MET: variants seen among roughly 807,000 people sequenced by gnomAD.
MET encodes MET proto-oncogene, receptor tyrosine kinase.
In MET, 48 loss-of-function variants were observed where a neutral mutation model predicts 133.1. That is an observed-to-expected ratio of 0.36 (90% CI 0.29 to 0.46). MET has a LOEUF of 0.46. MET is among the 20% of genes least tolerant of loss of function. MET has a pLI of 1.00. For missense variants in MET, 1,442 were observed against 1,695.9 expected, an observed-to-expected ratio of 0.85 and a Z score of 2.63; for synonymous variants, 628 against 616.5, an observed-to-expected ratio of 1.02 and a Z score of -0.28.
At chr7:116,709,296 C>G (rs192345064) in intron 2 of MET, among the ~76,000 whole-genome samples, 1 of 152,258 alleles carries the variant, frequency 6.6e-6, no homozygotes, top group African/African-American at 2.4e-5. Context: ...GGCACTTTGT[C>G]ATGCTTCTTT....
At chr7:116,743,439 T>A (rs1046486968) in intron 5 of MET, among the ~76,000 whole-genome samples, 12 of 152,110 alleles carry the variant, frequency 7.9e-5, no homozygotes. Context: ...GCTCAGTGGA[T>A]CCCACCCCTA....
At chr7:116,792,505 G>A (rs371352675) in intron 19 of MET, among the ~76,000 whole-genome samples, 1 of 96,356 alleles carries the variant, frequency 1.0e-5, no homozygotes, top group Non-Finnish European at 1.9e-5. Flanking sequence ...ACACACACCA[G>A]CTTCTCTCTT....
chr7:116,725,465 C>T (rs1001610722), intron 2 of MET, among the ~76,000 whole-genome samples: 49 of 144,932 alleles, frequency 3.4e-4, no homozygotes, highest in Non-Finnish European at 5.1e-4. Context: ...TTATGATATA[C>T]ATATATATAT....
At chr7:116,783,507 C>G (rs1795215629) in intron 19 of MET, 38 bp downstream of exon 19, 4 of 1,610,872 alleles carry the variant, frequency 2.5e-6, no homozygotes, top group Non-Finnish European at 3.4e-6. Context: ...TCCTCTTTTA[C>G]TTTCATATCC....
chr7:116,679,246 A>G (rs771306637), intron 1 of MET, among the ~76,000 whole-genome samples: 5 of 152,144 alleles, frequency 3.3e-5, no homozygotes, highest in Non-Finnish European at 7.4e-5. Flanking sequence ...ACTTCTAGCT[A>G]ATGTCAGTTC....
chr7:116,702,208 T>C (rs1791606345), intron 2 of MET, among the ~76,000 whole-genome samples: 2 of 152,102 alleles, frequency 1.3e-5, no homozygotes, highest in African/African-American at 4.8e-5. Context: ...ATCACTCCCA[T>C]CACAAAAATT....
At chr7:116,691,876 GC>G (rs1794482725) in intron 1 of MET, among the ~76,000 whole-genome samples, 1 of 152,166 alleles carries the variant, frequency 6.6e-6, no homozygotes, top group Non-Finnish European at 1.5e-5. Context: ...TCGTTGAAAG[GC>G]CAGCCTGGTT....
Position 116,700,204 on chromosome 7 carries a change from T to C in MET, c.1120T>C (p.Phe374Leu), listed in dbSNP as rs2116605899. ...AFPIKYVNDF[F>L]NKIVNKNNVR... ...CCCTATCAAATATGTCAACGACTTC[T>C]TCAACAAGATCGTCAACAAAAACAA... The change falls in exon 2 of 21, where the codon TTC (phenylalanine) becomes CTC (leucine). Residue 374 changes from phenylalanine (F) to leucine (L), a missense_variant. Around this residue, in one of 6 missense-constraint regions of MET, gnomAD observed 762 missense variants for 792.4 expected, o/e 0.96. Transcript: ENST00000397752. 1.3e-6 allele frequency: 2 copies of C among 1,593,814 alleles called. No homozygotes were observed. Among genetic ancestry groups the C allele is most frequent in the Non-Finnish European group, 1.7e-6 (2 of 1,173,566 alleles).
intron 11 of MET, 47 bp downstream of exon 11, chr7:116,763,315 A>T (rs1215649030): frequency 6.6e-7 from 1 of 1,509,322 alleles, no homozygotes; most frequent in Non-Finnish European, 9.2e-7. Context: ...CTCAAACTTA[A>T]TTGACTTCAT....
rs1302371805 is a variant in MET at position 116,741,047 on chromosome 7, C to G, written c.1701+22C>G. On this transcript the variant is annotated intron_variant, in intron 5 of 20. Coordinates refer to ENST00000397752, the MANE Select transcript of MET (RefSeq NM_000245.4). The stretch of plus-strand genomic sequence containing the variant: ...CAAGGTAGGAATCTCTAACAGCTGG[C>G]ATACATGTTTTTGTTTGGTGTTTTT... The G allele has an allele frequency of 4.4e-6, 7 of 1,588,326 alleles. No individual in the cohort carries two copies. The African/African-American group carries it at 9.5e-5, about 22-fold the overall frequency.
In MET at chr7:116,740,067, G is replaced by T. The variant is rs587780735; in HGVS notation, c.1510G>T (p.Val504Phe). The T allele has an allele frequency of 3.5e-5, 56 of 1,613,946 alleles. No individual in the cohort carries two copies. The highest frequency in any genetic ancestry group is 4.4e-5 in the Non-Finnish European group (52 of 1,179,960). ...HTLNQNGYTL[V>F]ITGKKITKIP... ...ATTAAACCAAAATGGCTACACACTG[G>T]TTATCACTGGGAAGAAGGTAAGCTG... The change falls in exon 4 of 21, where the codon GTT becomes TTT. Residue 504 changes from valine (V) to phenylalanine (F), a missense_variant. Physicochemically the swap from Val to Phe is conservative, Grantham distance 50. This residue lies in a region of MET where 762 missense variants were observed against 792.4 expected (regional missense o/e 0.96). Transcript: ENST00000397752.
chr7:116,735,220 C>T (rs1793169344), intron 3 of MET, among the ~76,000 whole-genome samples: 1 of 152,152 alleles, frequency 6.6e-6, no homozygotes. Context: ...CCCGCATGCC[C>T]CTTTCGCCTC....
At chr7:116,690,805 C>G (rs1013831374) in intron 1 of MET, among the ~76,000 whole-genome samples, 1 of 152,140 alleles carries the variant, frequency 6.6e-6, no homozygotes, top group Non-Finnish European at 1.5e-5. Flanking sequence ...GGAAGAAACT[C>G]TTAGTATCTA....
intron 15 of MET, among the ~76,000 whole-genome samples, 185 bp downstream of exon 15, chr7:116,775,296 T>C (rs560650260): frequency 1.7e-4 from 26 of 152,350 alleles, no homozygotes; most frequent in Non-Finnish European, 3.7e-4. Context: ...GATTTGCCCT[T>C]GTGCATGGAA....
intron 2 of MET, among the ~76,000 whole-genome samples, chr7:116,706,016 T>A (rs1791776708): frequency 6.6e-6 from 1 of 152,066 alleles, no homozygotes; most frequent in Admixed American, 6.6e-5. Flanking sequence ...CTTTAAACCA[T>A]TACATGGCTC....
At chr7:116,766,344 G>T (rs895430655) in intron 11 of MET, among the ~76,000 whole-genome samples, 1 of 152,200 alleles carries the variant, frequency 6.6e-6, no homozygotes. Context: ...AGCACAGGAA[G>T]ATGAGCCAGG....
chr7:116,742,426 C>T (rs1793495651), intron 5 of MET, among the ~76,000 whole-genome samples: 1 of 152,186 alleles, frequency 6.6e-6, no homozygotes, highest in Non-Finnish European at 1.5e-5. Context: ...CAAACAACTT[C>T]AGCAATTTGA....
At chr7:116,777,360 G>GTGCTAACCAAGTTCTTTCTT (rs772808573) in intron 15 of MET, 29 bp from the exon 16 acceptor site, 1 of 1,581,716 alleles carries the variant, frequency 6.3e-7, no homozygotes, top group South Asian at 1.1e-5. Flanking sequence ...ATGTTACGCA[G>GTGCTAACCAAGTTCTTTCTT]TGCTAACCAA....
chr7:116,693,929 GAGGT>G (rs1796866482), intron 1 of MET, among the ~76,000 whole-genome samples: 1 of 152,204 alleles, frequency 6.6e-6, no homozygotes, highest in Non-Finnish European at 1.5e-5. Context: ...TCTCACAAGT[GAGGT>G]AGGTACTATA....
Sources: gnomAD v4.1 joint callset for allele counts (sites outside exome capture counted in the v4.1 genomes callset) on GRCh38, gnomAD v4.1.1 for gene constraint, gnomAD v4.1.1 regional missense constraint, MANE v1.5 for transcripts, NCBI Gene and HGNC (gene_info 2026-07-23, HGNC 2026-07-21) for gene names.